PLCH1: variants seen among roughly 807,000 people sequenced by gnomAD.
The protein encoded by PLCH1 is phospholipase C eta 1.
In PLCH1, 60 loss-of-function variants were observed where a neutral mutation model predicts 126.7. That is an observed-to-expected ratio of 0.47 (90% confidence interval 0.38 to 0.59). PLCH1 has a LOEUF of 0.59. Ranked by LOEUF, PLCH1 falls within the 20% of genes least tolerant of loss-of-function variation. The pLI is 0.00. For synonymous variants in PLCH1, 719 were observed against 734.9 expected (o/e 0.98, Z 0.35); for missense variants, 1,723 against 2,040.0 (o/e 0.84, Z 2.99).
chr3:155,695,236 T>G (rs1477160636), intron 2 of PLCH1, among the ~76,000 whole-genome samples: 1 of 152,218 alleles, frequency 6.6e-6, no homozygotes, highest in Non-Finnish European at 1.5e-5. Flanking sequence ...GAAATTATTT[T>G]AAAGAAATGG....
chr3:155,623,819 G>T (rs987334262), intron 2 of PLCH1, among the ~76,000 whole-genome samples: 1 of 152,156 alleles, frequency 6.6e-6, no homozygotes, highest in Non-Finnish European at 1.5e-5. Flanking sequence ...TCTACCAGAG[G>T]TACAAAGAGG....
At chr3:155,739,735 C>T (rs1749477087) in intron 1 of PLCH1, among the ~76,000 whole-genome samples, 1 of 152,126 alleles carries the variant, frequency 6.6e-6, no homozygotes, top group Admixed American at 6.5e-5. Flanking sequence ...GTTCAAATTC[C>T]AAGTCTGTTC....
intron 2 of PLCH1, among the ~76,000 whole-genome samples, chr3:155,618,003 T>C (rs1735999635): frequency 6.6e-6 from 1 of 152,194 alleles, no homozygotes; most frequent in Admixed American, 6.5e-5. Flanking sequence ...CTGAGACTCC[T>C]TATGGAAAAA....
At chr3:155,712,448 T>A (rs969333454) in intron 1 of PLCH1, among the ~76,000 whole-genome samples, 19 of 152,204 alleles carry the variant, frequency 1.2e-4, no homozygotes, top group African/African-American at 4.6e-4. Context: ...TGCTTTAACC[T>A]GAGTTTTATG....
intron 10 of PLCH1, among the ~76,000 whole-genome samples, chr3:155,532,521 G>T (rs1310345589): frequency 6.6e-6 from 1 of 152,114 alleles, no homozygotes; most frequent in East Asian, 1.9e-4. Context: ...AGAAATCTGG[G>T]GGGAGGTGAT....
At chr3:155,621,456 A>C (rs1736484721) in intron 2 of PLCH1, among the ~76,000 whole-genome samples, 1 of 152,102 alleles carries the variant, frequency 6.6e-6, no homozygotes, top group Admixed American at 6.5e-5. Context: ...GTAATAACAA[A>C]CCCCTCCAAG....
At position 155,703,596 on chromosome 3, in the gene PLCH1, C is replaced by T. The variant is rs886353757; in HGVS notation, c.79+550G>A. ...CTGCAGTCCTCCACCCTGATAGTAA[C>T]GGTTTAGTGCTGCAAACTCTTCTGT... On this transcript the variant is annotated intron_variant, in intron 2 of 22. Transcript: ENST00000460012. 3.9e-5 allele frequency among the ~76,000 whole-genome samples: 6 copies of T among 152,304 alleles called. No homozygotes were observed. In the East Asian group the frequency reaches 5.8e-4, roughly 15 times the overall value.
intron 2 of PLCH1, among the ~76,000 whole-genome samples, chr3:155,619,498 T>TTTAA (rs200522384): frequency 7.5e-6 from 1 of 133,540 alleles, no homozygotes; most frequent in Non-Finnish European, 1.7e-5. Context: ...ACAGAAAAAG[T>TTTAA]AAAAAAAAAA....
intron 6 of PLCH1, among the ~76,000 whole-genome samples, chr3:155,577,559 T>A (rs1454448631): frequency 6.6e-6 from 1 of 152,246 alleles, no homozygotes; most frequent in East Asian, 1.9e-4. Flanking sequence ...TTGTGATTTT[T>A]ACCTCTTGAT....
intron 9 of PLCH1, among the ~76,000 whole-genome samples, 157 bp downstream of exon 9, chr3:155,553,919 G>A (rs1482789632): frequency 6.6e-6 from 1 of 152,238 alleles, no homozygotes; most frequent in Non-Finnish European, 1.5e-5. Flanking sequence ...CACATTATTT[G>A]TTCACAATGT....
At chr3:155,470,524 T>A (rs1291265395) in intron 21 of PLCH1, among the ~76,000 whole-genome samples, 1 of 152,154 alleles carries the variant, frequency 6.6e-6, no homozygotes, top group African/African-American at 2.4e-5. Context: ...CCAGGAGAAC[T>A]TCCCCAATCT....
chr3:155,549,899 G>A lies in PLCH1; in HGVS notation c.1250C>T (p.Ala417Val). 1 of 1,613,478 alleles carries A rather than the reference G, an allele frequency of 6.2e-7. No individual in the cohort carries two copies. Among genetic ancestry groups the A allele is most frequent in the Non-Finnish European group, 8.5e-7 (1 of 1,179,452 alleles). The change falls in exon 10 of 23, where the codon GCT becomes GTT. Residue 417 changes from alanine (A) to valine (V), a missense_variant. Coordinates refer to ENST00000460012, the MANE Select transcript of PLCH1 (RefSeq NM_014996.4). Reference protein sequence around the residue: ...HCSIQQQRKIAQYLKGIFGDK... With the variant: ...HCSIQQQRKIVQYLKGIFGDK... Reference sequence around the variant, plus strand: ...TCCGAATATTCCTTTCAGGTACTGAGCAATCTTCCTTTGCTGCTGGATACT... The same window carrying A: ...TCCGAATATTCCTTTCAGGTACTGAACAATCTTCCTTTGCTGCTGGATACT...
At chr3:155,720,973 T>C (rs1315262528) in intron 1 of PLCH1, among the ~76,000 whole-genome samples, 1 of 152,214 alleles carries the variant, frequency 6.6e-6, no homozygotes, top group African/African-American at 2.4e-5. Flanking sequence ...ATTTGGTGAA[T>C]AGGGTGTCCT....
chr3:155,687,191 G>A (rs1190178849), intron 2 of PLCH1, among the ~76,000 whole-genome samples: 1 of 152,044 alleles, frequency 6.6e-6, no homozygotes, highest in Non-Finnish European at 1.5e-5. Context: ...ATCAATGAGA[G>A]AAATAATGCT....
At chr3:155,504,683 T>G (rs1235510451) in intron 12 of PLCH1, 57 bp from the exon 13 acceptor site, 18 of 1,240,762 alleles carry the variant, frequency 1.5e-5, no homozygotes, top group Non-Finnish European at 2.0e-5. Flanking sequence ...GTCTTTTTCC[T>G]TAGTTCTGGT....
chr3:155,692,445 A>AGAATGAAT (rs546948885), intron 2 of PLCH1, among the ~76,000 whole-genome samples: 1 of 146,752 alleles, frequency 6.8e-6, no homozygotes, highest in African/African-American at 2.7e-5. Flanking sequence ...ATACAGATAA[A>AGAATGAAT]GAATGAATGA....
intron 9 of PLCH1, among the ~76,000 whole-genome samples, chr3:155,551,788 A>G (rs1293346435): frequency 6.6e-6 from 1 of 152,160 alleles, no homozygotes; most frequent in East Asian, 1.9e-4. Context: ...AAAGGAGAGG[A>G]AAAGGCTGAA....
chr3:155,553,887 G>A (rs1369325601), intron 9 of PLCH1, among the ~76,000 whole-genome samples, 189 bp downstream of exon 9: 1 of 152,242 alleles, frequency 6.6e-6, no homozygotes, highest in East Asian at 1.9e-4. Flanking sequence ...AATGCAGCAT[G>A]AGAAAGTACA....
chr3:155,591,636 T>C (rs1017162522), intron 4 of PLCH1, among the ~76,000 whole-genome samples: 17 of 152,234 alleles, frequency 1.1e-4, no homozygotes, highest in African/African-American at 3.4e-4. Context: ...ATTATTATTA[T>C]AAATAAACAC....
Sources: gnomAD v4.1 joint callset for allele counts (sites outside exome capture counted in the v4.1 genomes callset) on GRCh38, gnomAD v4.1.1 for gene constraint, MANE v1.5 for transcripts, NCBI Gene and HGNC (gene_info 2026-07-23, HGNC 2026-07-21) for gene names.